The following CLDN19 variants were observed in gnomAD, a reference collection of about 807,000 sequenced individuals.
CLDN19 encodes the protein claudin 19, also known as claudin-19.
A neutral mutation model predicts 24.5 loss-of-function variants in CLDN19; 19 were observed. The observed-to-expected ratio is 0.78, with a 90% CI of 0.54 to 1.14. The LOEUF (loss-of-function observed/expected upper bound fraction) is 1.14. Ranked by LOEUF, CLDN19 falls within the 50% of genes most tolerant of loss-of-function variation. CLDN19 has a pLI of 0.00. For synonymous variants in CLDN19, 117 were observed against 129.6 expected, an observed-to-expected ratio of 0.90 and a Z score of 0.66; for missense variants, 250 against 295.9, an observed-to-expected ratio of 0.84 and a Z score of 1.14.
At chr1:42,739,161 T>C (rs753936369) in intron 1 of CLDN19, among the ~76,000 whole-genome samples, 2 of 152,126 alleles carry the variant, frequency 1.3e-5, no homozygotes, top group Non-Finnish European at 2.9e-5. Flanking sequence ...CTGACCTGCC[T>C]GAACTGGCAC....
At chr1:42,735,824 G>C in intron 4 of CLDN19, 54 bp downstream of exon 4, 1 of 1,553,556 alleles carries the variant, frequency 6.4e-7, no homozygotes, top group Non-Finnish European at 8.7e-7. Context: ...TGGATGCTGG[G>C]CAAGGGGGCC....
intron 3 of CLDN19, 79 bp downstream of exon 3, chr1:42,738,149 TC>T: frequency 8.4e-7 from 1 of 1,190,776 alleles, no homozygotes; most frequent in East Asian, 2.3e-5. Flanking sequence ...TGTCCCCACT[TC>T]CCCCGCCAGG....
At position 42,739,714 on chromosome 1, in the gene CLDN19, G is replaced by T. The variant is rs552341573; in HGVS notation, c.223+127C>A. The T allele has an allele frequency of 5.4e-5, 44 of 809,276 alleles. 2 individuals are homozygous for T. In the South Asian group the frequency reaches 7.0e-4, roughly 13 times the overall value. 50.1% of individuals were successfully genotyped at this position (809,276 alleles called of 1,614,324 possible). Reference sequence around the variant, plus strand: ...CCGTCAATGGGCACAGGGCAGTAGTGGGGGAATTGTAGAGCGGAGGCTGGA... The same window carrying T: ...CCGTCAATGGGCACAGGGCAGTAGTTGGGGAATTGTAGAGCGGAGGCTGGA... On this transcript the variant is annotated intron_variant, in intron 1 of 4. Coordinates refer to ENST00000296387, the MANE Select transcript of CLDN19 (RefSeq NM_148960.3).
Position 42,734,968 on chromosome 1 carries a change from C to T in CLDN19, c.*118G>A. On this transcript the variant is annotated 3_prime_UTR_variant, in exon 5 of 5. Transcript: ENST00000296387. ...TGACACAGGCCCCGTCCAAGCCACG[C>T]TGAGGACAGACCGAATGATACCATG... is the stretch of plus-strand genomic sequence containing the variant. 1.1e-6 allele frequency: 1 copy of T among 877,300 alleles called. No individual in the cohort carries two copies. 54.3% of individuals were successfully genotyped at this position (877,300 alleles called of 1,614,324 possible).
chr1:42,735,198 T>C (rs910699717), intron 4 of CLDN19, 64 bp from the exon 5 acceptor site: 21 of 1,606,002 alleles, frequency 1.3e-5, no homozygotes, highest in Non-Finnish European at 1.7e-5. Flanking sequence ...GCAGGGGCTG[T>C]GCATTCAGGC....
At chr1:42,735,591 G>C (rs1651335943) in intron 4 of CLDN19, 1 of 1,423,764 alleles carries the variant, frequency 7.0e-7, no homozygotes, top group South Asian at 1.6e-5. Context: ...CTGAGGGCCT[G>C]TCTCCAGGGA....
chr1:42,738,646 G>A, intron 1 of CLDN19, 61 bp from the exon 2 acceptor site: 4 of 1,553,610 alleles, frequency 2.6e-6, no homozygotes, highest in East Asian at 2.3e-5. Context: ...GTCGGTGCCT[G>A]GGGTCGGTGG....
rs919054603 is a variant in CLDN19, at chr1:42,734,991, A to G, written c.*95T>C. The stretch of plus-strand genomic sequence containing the variant: ...CGCTGAGGACAGACCGAATGATACC[A>G]TGATTGGGGCTGGATGTTCACTTCT... On this transcript the variant is annotated 3_prime_UTR_variant, in exon 5 of 5. Coordinates refer to ENST00000296387, the MANE Select transcript of CLDN19 (RefSeq NM_148960.3). 1.8e-5 allele frequency: 19 copies of G among 1,031,550 alleles called. No individual in the cohort carries two copies. Among genetic ancestry groups the G allele is most frequent in the Admixed American group, 5.9e-5 (3 of 51,118 alleles). 63.9% of individuals were successfully genotyped at this position (1,031,550 alleles called of 1,614,324 possible).
intron 4 of CLDN19, 150 bp from the exon 5 acceptor site, chr1:42,735,284 C>G: frequency 6.5e-7 from 1 of 1,526,770 alleles, no homozygotes; most frequent in Non-Finnish European, 8.8e-7. Context: ...TTCCCGGGGG[C>G]AGGGGCGCCA....
At chr1:42,736,146 C>A in intron 3 of CLDN19, 116 bp from the exon 4 acceptor site, 3 of 659,110 alleles carry the variant, frequency 4.6e-6, no homozygotes, top group South Asian at 1.9e-5. Flanking sequence ...AGCCTCACAA[C>A]CTCTTCCATA....
intron 1 of CLDN19, among the ~76,000 whole-genome samples, chr1:42,739,211 T>C (rs759630872): frequency 6.6e-6 from 1 of 152,142 alleles, no homozygotes; most frequent in Non-Finnish European, 1.5e-5. Context: ...CCAGCTCCCA[T>C]GGGGAGCAGA....
Position 42,738,542 on chromosome 1 carries a change from G to C in CLDN19, c.267C>G (p.Leu89=), listed in dbSNP as rs1444446063. The change falls in exon 2 of 5, where the codon CTC becomes CTG. Residue 89 remains leucine (L), a synonymous_variant. Coordinates refer to ENST00000296387, the MANE Select transcript of CLDN19 (RefSeq NM_148960.3). ...TGAGGACCATGGCCACGAAGCCCAG[G>C]AGCACGGCCACCACCATCAGGGCCC... ...SARALMVVAV[L]LGFVAMVLSV... 1 of 1,613,926 alleles carries C rather than the reference G, an allele frequency of 6.2e-7. No homozygotes were observed. Among genetic ancestry groups the C allele is most frequent in the Non-Finnish European group, 8.5e-7 (1 of 1,180,022 alleles).
chr1:42,739,128 C>T (rs1472347434), intron 1 of CLDN19, among the ~76,000 whole-genome samples: 2 of 152,284 alleles, frequency 1.3e-5, no homozygotes, highest in Non-Finnish European at 2.9e-5. Flanking sequence ...GGTCCCTCAG[C>T]GAGGCTAGAT....
chr1:42,733,901 C>T lies in CLDN19; in HGVS notation c.*1185G>A, dbSNP rs1262971116. 1 of 152,460 alleles carries T rather than the reference C, an allele frequency of 6.6e-6. No homozygotes were observed. Among genetic ancestry groups the T allele is most frequent in the Non-Finnish European group, 1.5e-5 (1 of 68,160 alleles). 9.4% of individuals were successfully genotyped at this position (152,460 alleles called of 1,614,324 possible). On this transcript the variant is annotated 3_prime_UTR_variant, in exon 5 of 5. Transcript: ENST00000296387. ...TTTCCGTCACTTTCCCTCTCAGAGT[C>T]AAGCTCGAAGGAGAAGCTGAGCTGC... is the stretch of plus-strand genomic sequence containing the variant.
At chr1:42,736,143 C>T (rs1485463309) in intron 3 of CLDN19, 113 bp from the exon 4 acceptor site, 1 of 661,248 alleles carries the variant, frequency 1.5e-6, no homozygotes, top group Non-Finnish European at 2.7e-6. Context: ...TGGAGCCTCA[C>T]AACCTCTTCC....
In CLDN19 at chr1:42,735,929, G is replaced by C. The variant is rs1246687752; in HGVS notation, c.575C>G (p.Pro192Arg). The C allele has an allele frequency of 3.2e-6, 5 of 1,578,948 alleles. No homozygotes were observed. Among genetic ancestry groups the C allele is most frequent in the Non-Finnish European group, 4.3e-6 (5 of 1,162,446 alleles). The change falls in exon 4 of 5, where the codon CCC becomes CGC. Residue 192 changes from proline to arginine, a missense_variant. Coordinates refer to ENST00000296387, the MANE Select transcript of CLDN19 (RefSeq NM_148960.3). ...CCGATAGGGCTGTGGGCTGCTGTTG[G>C]GTCTCTCTGGCTCCGGGCATGTGCA... Reference protein sequence around the residue: ...LCCTCPEPERPNSSPQPYRPG... With the variant: ...LCCTCPEPERRNSSPQPYRPG...
In CLDN19 at chr1:42,739,923, A is replaced by G; in HGVS notation, c.141T>C (p.Tyr47=). 6.2e-7 allele frequency: 1 copy of G among 1,612,120 alleles called. No individual in the cohort carries two copies. Among genetic ancestry groups the G allele is most frequent in the Non-Finnish European group, 8.5e-7 (1 of 1,179,344 alleles). The change falls in exon 1 of 5, where the codon TAT becomes TAC. Residue 47 remains tyrosine (Y), a synonymous_variant. Coordinates refer to ENST00000296387, the MANE Select transcript of CLDN19 (RefSeq NM_148960.3). ...AGGCGCAGGACATCCAGAGCCCTTCATAGAGGCCCACGGCAGTGATGATGG... is the reference window on the plus strand; with the variant it reads ...AGGCGCAGGACATCCAGAGCCCTTCGTAGAGGCCCACGGCAGTGATGATGG... ...GDAIITAVGL[Y]EGLWMSCASQ... is the part of the protein sequence containing the mutation.
At chr1:42,735,323 G>GC (rs1171463827) in intron 4 of CLDN19, 189 bp from the exon 5 acceptor site, 24 of 1,471,748 alleles carry the variant, frequency 1.6e-5, no homozygotes, top group Admixed American at 2.5e-5. Flanking sequence ...TGTGTAGGTG[G>GC]CCCCCAGCCC....
chr1:42,733,589 T>C lies in CLDN19; in HGVS notation c.*1497A>G, dbSNP rs1651255704. 1 of 152,252 alleles carries C rather than the reference T, an allele frequency of 6.6e-6. No individual in the cohort carries two copies. The highest frequency in any genetic ancestry group is 2.1e-4 in the South Asian group (1 of 4,830). 9.4% of individuals were successfully genotyped at this position (152,252 alleles called of 1,614,324 possible). A position where few individuals can be genotyped will look rare whatever the true frequency, so the allele number is the denominator to read the frequency against. On this transcript the variant is annotated 3_prime_UTR_variant, in exon 5 of 5. Coordinates refer to ENST00000296387, the MANE Select transcript of CLDN19 (RefSeq NM_148960.3). Reference sequence around the variant, plus strand: ...TGCCCCCAGGTGATTCGAATGTGCATGCAGGGTTGGGAACCATTGCACTAT... The same window carrying C: ...TGCCCCCAGGTGATTCGAATGTGCACGCAGGGTTGGGAACCATTGCACTAT...
Sources: allele counts gnomAD v4.1 joint callset (sites outside exome capture counted in the v4.1 genomes callset), GRCh38; gene constraint gnomAD v4.1.1; transcripts MANE v1.5; gene names NCBI Gene and HGNC (gene_info 2026-07-23, HGNC 2026-07-21).